The following NPAT variants were observed in gnomAD, a reference collection of about 807,000 sequenced individuals.
NPAT encodes nuclear protein, coactivator of histone transcription.
In NPAT, 52 loss-of-function variants were observed where a neutral mutation model predicts 130.7. The observed-to-expected ratio is 0.40, with a 90% CI of 0.32 to 0.50. The LOEUF (loss-of-function observed/expected upper bound fraction) is 0.50. Among genes scored for constraint, NPAT ranks in the 20% least tolerant of loss-of-function variants. The probability of loss-of-function intolerance (pLI) is 0.68; values close to 1 mark genes in which losing one functional copy is unlikely to be tolerated. For synonymous variants in NPAT, 580 were observed against 584.8 expected (o/e 0.99, Z 0.12); for missense variants, 1,687 against 1,662.6 (o/e 1.01, Z -0.26).
At chr11:108,182,396 G>GCTTTCAGAGGGA (rs1157837720) in intron 10 of NPAT, among the ~76,000 whole-genome samples, 1 of 152,218 alleles carries the variant, frequency 6.6e-6, no homozygotes, top group African/African-American at 2.4e-5. Context: ...TGTAGCCTCA[G>GCTTTCAGAGGGA]CTTTCAGAGG....
Position 108,172,450 on chromosome 11 carries a change from T to C in NPAT, c.2534A>G (p.Lys845Arg). ...CATCAACTGTATATATCCTCCATCCTTGGAAACACATGGTGTAACATTAGC... is the reference window on the plus strand; with the variant it reads ...CATCAACTGTATATATCCTCCATCCCTGGAAACACATGGTGTAACATTAGC... ...FSANVTPCVSKDGGYIQLMPA... is the reference protein window; with the variant it reads ...FSANVTPCVSRDGGYIQLMPA... The change falls in exon 13 of 18, where the codon AAG becomes AGG. Residue 845 changes from lysine (K) to arginine (R), a missense_variant. By Grantham distance (26) the Lys-to-Arg change is conservative. Around this residue, in one of 3 missense-constraint regions of NPAT, gnomAD observed 1,379 missense variants for 1,346.6 expected, o/e 1.02. Transcript: ENST00000278612. 6.2e-7 allele frequency: 1 copy of C among 1,614,156 alleles called. No homozygotes were observed. The highest frequency in any genetic ancestry group is 8.5e-7 in the Non-Finnish European group (1 of 1,179,974).
chr11:108,176,248 G>A lies in NPAT; in HGVS notation c.1130C>T (p.Ser377Phe). ...AVKGSFETEE[S>F]DGQSGQPAFC... ...TATTAACAAAATTAAATTCTTACCA[G>A]ATTCTTCTGTTTCAAAAGAACCTTT... is the stretch of plus-strand genomic sequence containing the variant. Residue 377 changes from serine to phenylalanine, a missense_variant and splice_region_variant, in exon 12 of 18, where the codon TCT (serine) becomes TTT (phenylalanine). Ser to Phe is a radical substitution (Grantham distance 155). This residue lies in a region of NPAT where 1,379 missense variants were observed against 1,346.6 expected (regional missense o/e 1.02). Transcript: ENST00000278612. The A allele has an allele frequency of 6.3e-7, 1 of 1,575,220 alleles. No individual in the cohort carries two copies. Among genetic ancestry groups the A allele is most frequent in the Non-Finnish European group, 8.7e-7 (1 of 1,145,582 alleles).
At chr11:108,181,300 C>A (rs1401944683) in intron 10 of NPAT, among the ~76,000 whole-genome samples, 1 of 152,150 alleles carries the variant, frequency 6.6e-6, no homozygotes, top group East Asian at 1.9e-4. Context: ...CCTGTCTCTA[C>A]TGAAAACACA....
intron 1 of NPAT, among the ~76,000 whole-genome samples, chr11:108,213,786 G>T (rs609557): frequency 0.53 from 80,703 of 152,044 alleles, 22,138 homozygotes; most frequent in Middle Eastern, 0.74. Flanking sequence ...GACGATGTAC[G>T]GGCATGAGGT....
intron 3 of NPAT, among the ~76,000 whole-genome samples, chr11:108,192,413 T>C (rs545253795): frequency 2.0e-5 from 3 of 152,358 alleles, no homozygotes; most frequent in African/African-American, 7.2e-5. Context: ...AATGGACATC[T>C]GTAAAATCTC....
rs139571789 is a variant in NPAT at position 108,215,333 on chromosome 11, C to CA, written c.37+7166dup. 9.3e-3 allele frequency among the ~76,000 whole-genome samples: 1,409 copies of CA among 152,154 alleles called. 23 individuals carry two copies. The highest frequency in any genetic ancestry group is 0.032 in the African/African-American group (1,309 of 41,488). On this transcript the variant is annotated intron_variant, in intron 1 of 17. Transcript: ENST00000278612. Reference sequence around the variant, plus strand: ...AAGTGGGAGCTAAAGGATGAGAACACACGGGCACATAAAGGGAACAACACA... The same window carrying CA: ...AAGTGGGAGCTAAAGGATGAGAACACAACGGGCACATAAAGGGAACAACACA...
intron 10 of NPAT, among the ~76,000 whole-genome samples, chr11:108,182,652 C>T (rs2078068629): frequency 2.0e-5 from 3 of 152,356 alleles, no homozygotes; most frequent in South Asian, 4.1e-4. Context: ...TGCATGCCAC[C>T]ACACCTACCT....
At chr11:108,185,575 A>T (rs965040246) in intron 8 of NPAT, 81 bp from the exon 9 acceptor site, 6 of 944,418 alleles carry the variant, frequency 6.4e-6, no homozygotes, top group African/African-American at 3.3e-5. Flanking sequence ...GAACAAACCG[A>T]TAAGAGCTGG....
chr11:108,160,610 T>C (rs2077837439), intron 17 of NPAT, among the ~76,000 whole-genome samples: 2 of 152,148 alleles, frequency 1.3e-5, no homozygotes, highest in South Asian at 2.1e-4. Context: ...GCCTCAGCAG[T>C]TTTTCCTGAA....
intron 10 of NPAT, among the ~76,000 whole-genome samples, chr11:108,183,179 G>T (rs1459602988): frequency 1.3e-5 from 2 of 151,770 alleles, no homozygotes; most frequent in Non-Finnish European, 2.9e-5. Context: ...TATAGATGAG[G>T]TCTCATTATG....
rs1369630910 is a variant in NPAT, at chr11:108,176,349, T to G, written c.1029A>C (p.Ile343=). Reference sequence around the variant, plus strand: ...TAGGTTGACTGGAAATACTTTGTGATATATTTTTATTATTCTTTGTTTTGC... The same window carrying G: ...TAGGTTGACTGGAAATACTTTGTGAGATATTTTTATTATTCTTTGTTTTGC... ...DYGKTKNNKN[I]SQSISSQPME... Residue 343 remains isoleucine (I), a synonymous_variant, in exon 12 of 18, where the codon ATA becomes ATC. Coordinates refer to ENST00000278612, the MANE Select transcript of NPAT (RefSeq NM_002519.3). The G allele has an allele frequency of 1.3e-6, 2 of 1,553,478 alleles. No homozygotes were observed. The highest frequency in any genetic ancestry group is 1.7e-5 in the Admixed American group (1 of 59,904).
chr11:108,171,124 A>ATTTTTTT (rs63478164), intron 13 of NPAT: 2 of 95,830 alleles, frequency 2.1e-5, no homozygotes, highest in African/African-American at 4.0e-5. Context: ...TGAAAAAAGG[A>ATTTTTTT]TTTTTTTTTT....
chr11:108,215,905 C>T (rs1021248558), intron 1 of NPAT, among the ~76,000 whole-genome samples: 5 of 152,224 alleles, frequency 3.3e-5, no homozygotes, highest in African/African-American at 1.2e-4. Context: ...ATCTTCCTAT[C>T]ATTGAACATC....
At position 108,176,334 on chromosome 11, in the gene NPAT, G is replaced by A. The variant is rs1200814083; in HGVS notation, c.1044C>T (p.Ser348=). 6.4e-7 allele frequency: 1 copy of A among 1,557,576 alleles called. No individual in the cohort carries two copies. Among genetic ancestry groups the A allele is most frequent in the East Asian group, 2.2e-5 (1 of 44,486 alleles). Residue 348 remains serine, a synonymous_variant, in exon 12 of 18, where the codon TCC becomes TCT. Coordinates refer to ENST00000278612, the MANE Select transcript of NPAT (RefSeq NM_002519.3). ...KNNKNISQSI[S]SQPMESNPSI... ...TGGGATTGGATTCCATAGGTTGACTGGAAATACTTTGTGATATATTTTTAT... is the reference window on the plus strand; with the variant it reads ...TGGGATTGGATTCCATAGGTTGACTAGAAATACTTTGTGATATATTTTTAT...
chr11:108,193,081 G>A (rs1027889348), intron 3 of NPAT, among the ~76,000 whole-genome samples: 4 of 152,126 alleles, frequency 2.6e-5, no homozygotes, highest in African/African-American at 4.8e-5. Flanking sequence ...CATCTTATGC[G>A]AATTCTTTAG....
chr11:108,172,957 A>G lies in NPAT; in HGVS notation c.2027T>C (p.Leu676Ser), dbSNP rs368134007. ...VKEENTIFLS[L>S]GGNANCEKVA... ...TTTCTCACAGTTAGCATTTCCACCT[A>G]AAGAGAGAAAAATAGTATTCTCTTC... Residue 676 changes from leucine to serine, a missense_variant, in exon 13 of 18, where the codon TTA becomes TCA. Leu to Ser is a moderately radical substitution (Grantham distance 145). Coordinates refer to ENST00000278612, the MANE Select transcript of NPAT (RefSeq NM_002519.3). 1.2e-6 allele frequency: 2 copies of G among 1,614,000 alleles called. No homozygotes were observed. Among genetic ancestry groups the G allele is most frequent in the Non-Finnish European group, 1.7e-6 (2 of 1,180,028 alleles).
intron 1 of NPAT, among the ~76,000 whole-genome samples, chr11:108,205,287 G>A (rs965029650): frequency 5.3e-5 from 8 of 152,320 alleles, no homozygotes; most frequent in African/African-American, 9.6e-5. Flanking sequence ...TTGAGACAGC[G>A]TTTCACTCTG....
chr11:108,197,259 CTT>C, intron 2 of NPAT, 41 bp downstream of exon 2: 1 of 1,268,916 alleles, frequency 7.9e-7, no homozygotes, highest in East Asian at 2.3e-5. Context: ...TTTTTAGTCT[CTT>C]GTGTTGATGA....
In NPAT at chr11:108,161,877, G is replaced by T. The variant is rs754110727; in HGVS notation, c.3209C>A (p.Thr1070Asn). 6.2e-7 allele frequency: 1 copy of T among 1,614,112 alleles called. No homozygotes were observed. The highest frequency in any genetic ancestry group is 8.5e-7 in the Non-Finnish European group (1 of 1,180,020). Residue 1070 changes from threonine (T) to asparagine (N), a missense_variant, in exon 17 of 18, where the codon ACT becomes AAT. This residue lies in a region of NPAT where 1,379 missense variants were observed against 1,346.6 expected (regional missense o/e 1.02). Transcript: ENST00000278612. ...HRRVLCFDST[T>N]APVANTQGPN... Reference sequence around the variant, plus strand: ...CCCCTGCGTATTTGCCACAGGAGCAGTAGTGCTGTCGAAACAGAGTACACG... The same window carrying T: ...CCCCTGCGTATTTGCCACAGGAGCATTAGTGCTGTCGAAACAGAGTACACG...
Sources: allele counts gnomAD v4.1 joint callset (sites outside exome capture counted in the v4.1 genomes callset), GRCh38; gene constraint gnomAD v4.1.1; regional missense constraint gnomAD v4.1.1; transcripts MANE v1.5; gene names NCBI Gene and HGNC (gene_info 2026-07-23, HGNC 2026-07-21).